CLVS1: variants seen among roughly 807,000 people sequenced by gnomAD.
The protein encoded by CLVS1 is clavesin 1.
CLVS1 carries 10 observed loss-of-function variants against 33.1 expected under a neutral mutation model. The ratio of observed to expected loss-of-function variants is 0.30; its 90% CI spans 0.19 to 0.51. The LOEUF is 0.51. Among genes scored for constraint, CLVS1 ranks in the 20% least tolerant of loss-of-function variants. CLVS1 has a pLI of 0.97. For synonymous variants in CLVS1, 163 were observed against 166.1 expected, an observed-to-expected ratio of 0.98 and a Z score of 0.14; for missense variants, 343 against 433.4, an observed-to-expected ratio of 0.79 and a Z score of 1.85.
chr8:61,046,085 A>T, the CLVS1 span, among the ~76,000 whole-genome samples: 2 of 150,212 alleles, frequency 1.3e-5, no homozygotes, highest in Admixed American at 6.6e-5. Flanking sequence ...CTGAATGGTA[A>T]TGCCTAGGTT....
At chr8:61,386,333 T>C (rs1246580673) in intron 3 of CLVS1, among the ~76,000 whole-genome samples, 4 of 152,206 alleles carry the variant, frequency 2.6e-5, no homozygotes, top group Admixed American at 6.5e-5. Flanking sequence ...TTCATAAATC[T>C]TTACAACCCT....
intron 2 of CLVS1, among the ~76,000 whole-genome samples, chr8:61,161,357 T>C (rs1277318473): frequency 6.6e-6 from 1 of 152,220 alleles, no homozygotes; most frequent in Non-Finnish European, 1.5e-5. Context: ...AAGAGACATC[T>C]GCACTCCCAC....
At chr8:61,192,327 A>G (rs1807502788) in intron 2 of CLVS1, among the ~76,000 whole-genome samples, 1 of 152,240 alleles carries the variant, frequency 6.6e-6, no homozygotes, top group Non-Finnish European at 1.5e-5. Context: ...AGACATATGT[A>G]GAAAGCTGAA....
At chr8:61,152,099 A>C (rs997648379) in intron 2 of CLVS1, among the ~76,000 whole-genome samples, 3 of 152,188 alleles carry the variant, frequency 2.0e-5, no homozygotes, top group Non-Finnish European at 2.9e-5. Flanking sequence ...GCTACAACAA[A>C]TTACCATAGG....
intron 2 of CLVS1, among the ~76,000 whole-genome samples, chr8:61,303,265 T>C (rs1810501235): frequency 6.6e-6 from 1 of 152,204 alleles, no homozygotes; most frequent in Non-Finnish European, 1.5e-5. Flanking sequence ...CCAAAGTATG[T>C]TGTTAAGAAG....
At chr8:61,313,111 T>C (rs1027260638) in intron 2 of CLVS1, among the ~76,000 whole-genome samples, 4 of 152,122 alleles carry the variant, frequency 2.6e-5, no homozygotes, top group African/African-American at 9.7e-5. Context: ...CAGTCTTCAT[T>C]CTTATAATGT....
Position 61,203,156 on chromosome 8 carries a change from G to A in CLVS1, c.-152+71296G>A, listed in dbSNP as rs551667494. 593 of 1,145,290 alleles carry A rather than the reference G, an allele frequency of 5.2e-4. 4 individuals are homozygous for A. The Middle Eastern group carries it at 8.9e-3, about 17-fold the overall frequency. 70.9% of individuals were successfully genotyped at this position (1,145,290 alleles called of 1,614,324 possible). A position where few individuals can be genotyped will look rare whatever the true frequency, so the allele number is the denominator to read the frequency against. The stretch of plus-strand genomic sequence containing the variant: ...AGTGGAAGCCAAGTTCATCAATTAC[G>A]TGAAGAATTGCTTCCGGATGACTGA... On this transcript the variant is annotated intron_variant, in intron 2 of 2. Coordinates refer to the CLVS1 transcript ENST00000522621.
intron 1 of CLVS1, among the ~76,000 whole-genome samples, chr8:61,288,794 C>T (rs3962919): frequency 6.6e-6 from 1 of 152,198 alleles, no homozygotes; most frequent in Non-Finnish European, 1.5e-5. Flanking sequence ...TGACCGATGA[C>T]TCATATTCAC....
At chr8:61,342,486 C>T (rs536063866) in intron 2 of CLVS1, among the ~76,000 whole-genome samples, 1 of 152,316 alleles carries the variant, frequency 6.6e-6, no homozygotes, top group African/African-American at 2.4e-5. Flanking sequence ...CGCGCCATTC[C>T]GCTTTTCGCA....
intron 1 of CLVS1, among the ~76,000 whole-genome samples, chr8:61,069,699 T>C (rs902523073): frequency 3.1e-4 from 47 of 152,332 alleles, no homozygotes; most frequent in Middle Eastern, 3.4e-3. Flanking sequence ...CCCATCCTTA[T>C]CTGTTCCTTC....
chr8:61,363,473 A>T lies in CLVS1; in HGVS notation c.456-13132A>T, dbSNP rs189772352. On this transcript the variant is annotated intron_variant, in intron 2 of 5. Transcript: ENST00000325897. The stretch of plus-strand genomic sequence containing the variant: ...GCTCTGATTGCTTAGAGAATTTCCA[A>T]GTGATAATTCGGGATGTAATTAAGG... 6.6e-5 allele frequency among the ~76,000 whole-genome samples: 10 copies of T among 152,318 alleles called. No homozygotes were observed. The East Asian group carries it at 1.9e-3, about 29-fold the overall frequency.
At chr8:61,275,652 A>T (rs1478097779) in intron 2 of CLVS1, among the ~76,000 whole-genome samples, 9 of 152,232 alleles carry the variant, frequency 5.9e-5, no homozygotes, top group African/African-American at 2.2e-4. Context: ...TGTGATCTTG[A>T]GTTCAATCCC....
At chr8:61,289,538 G>T (rs1809905185) in intron 1 of CLVS1, among the ~76,000 whole-genome samples, 1 of 152,140 alleles carries the variant, frequency 6.6e-6, no homozygotes, top group South Asian at 2.1e-4. Context: ...TTTTTGACAA[G>T]TTATTTTCTT....
intron 5 of CLVS1, among the ~76,000 whole-genome samples, chr8:61,462,471 G>T (rs1001839461): frequency 2.6e-5 from 4 of 152,046 alleles, no homozygotes; most frequent in Non-Finnish European, 4.4e-5. Context: ...TGCAACCTCT[G>T]CCTCCCACGT....
At chr8:61,022,021 C>T in the CLVS1 span, among the ~76,000 whole-genome samples, 1 of 152,172 alleles carries the variant, frequency 6.6e-6, no homozygotes, top group East Asian at 1.9e-4. Flanking sequence ...GACATTAACC[C>T]TTTAAGTCAA....
chr8:61,050,238 A>G, the CLVS1 span, among the ~76,000 whole-genome samples: 1 of 152,252 alleles, frequency 6.6e-6, no homozygotes, highest in Admixed American at 6.5e-5. Context: ...ATTTGCATCC[A>G]AATTCTTCGA....
chr8:60,981,612 C>T, the CLVS1 span, among the ~76,000 whole-genome samples: 8 of 152,220 alleles, frequency 5.3e-5, no homozygotes, highest in Non-Finnish European at 1.5e-5. Context: ...GTGCAAATAT[C>T]TGGTGTTCCC....
chr8:61,355,872 A>G (rs1313819601), intron 2 of CLVS1, among the ~76,000 whole-genome samples: 2 of 152,242 alleles, frequency 1.3e-5, no homozygotes, highest in Non-Finnish European at 2.9e-5. Context: ...CGCAATAAAC[A>G]TACGTGTGCA....
intron 3 of CLVS1, among the ~76,000 whole-genome samples, chr8:61,414,052 A>T (rs1247328293): frequency 6.6e-6 from 1 of 152,234 alleles, no homozygotes; most frequent in African/African-American, 2.4e-5. Flanking sequence ...TTGGGATGTG[A>T]GTATGGTGTG....
Sources: allele counts gnomAD v4.1 joint callset (sites outside exome capture counted in the v4.1 genomes callset), GRCh38; gene constraint gnomAD v4.1.1; transcripts MANE v1.5; gene names NCBI Gene and HGNC (gene_info 2026-07-23, HGNC 2026-07-21).